FBXL17: variants seen among roughly 807,000 people sequenced by gnomAD.
The protein encoded by FBXL17 is F-box/LRR-repeat protein 17.
A neutral mutation model predicts 66.2 loss-of-function variants in FBXL17; 22 were observed. The observed-to-expected ratio is 0.33, with a 90% CI of 0.24 to 0.47. The LOEUF (loss-of-function observed/expected upper bound fraction) is 0.47, where lower values mean the gene tolerates loss of function less well. FBXL17 is among the 20% of genes least tolerant of loss of function. FBXL17 has a pLI of 1.00. For missense variants in FBXL17, 878 were observed against 948.2 expected (o/e 0.93, Z 0.97); for synonymous variants, 474 against 400.5 (o/e 1.18, Z -2.19).
chr5:108,166,022 C>T (rs1182112000), intron 6 of FBXL17, among the ~76,000 whole-genome samples: 2 of 152,122 alleles, frequency 1.3e-5, no homozygotes, highest in African/African-American at 4.8e-5. Context: ...CACTATCCCA[C>T]CAAAAACTCA....
At chr5:108,193,375 G>GAA (rs1753549134) in intron 5 of FBXL17, among the ~76,000 whole-genome samples, 1 of 152,122 alleles carries the variant, frequency 6.6e-6, no homozygotes, top group Non-Finnish European at 1.5e-5. Context: ...AGGAGAAAGG[G>GAA]AAAGGGGTGG....
chr5:108,341,071 G>C (rs1746850562), intron 4 of FBXL17, among the ~76,000 whole-genome samples: 1 of 152,088 alleles, frequency 6.6e-6, no homozygotes, highest in Admixed American at 6.6e-5. Context: ...TTGCAATACT[G>C]CCTCTGATAG....
chr5:108,142,704 TA>T (rs1182967900), intron 6 of FBXL17, among the ~76,000 whole-genome samples: 2 of 152,024 alleles, frequency 1.3e-5, no homozygotes, highest in Non-Finnish European at 2.9e-5. Flanking sequence ...TTTTAAACTG[TA>T]AAAAAGTCCT....
chr5:108,009,308 T>TATAGATAGATATATACACAC, intron 7 of FBXL17, among the ~76,000 whole-genome samples: 1 of 42,220 alleles, frequency 2.4e-5, no homozygotes, highest in Non-Finnish European at 4.7e-5. Context: ...TATACATATA[T>TATAGATAGATATATACACAC]ACATACACAT....
chr5:108,351,322 A>G (rs548611590), intron 3 of FBXL17, among the ~76,000 whole-genome samples: 179 of 152,330 alleles, frequency 1.2e-3, no homozygotes, highest in Non-Finnish European at 2.3e-3. Flanking sequence ...GATACAAGGA[A>G]TCAGCAATAA....
intron 4 of FBXL17, among the ~76,000 whole-genome samples, chr5:108,246,024 ATGTC>A (rs1756080150): frequency 6.6e-6 from 1 of 152,172 alleles, no homozygotes; most frequent in Non-Finnish European, 1.5e-5. Flanking sequence ...GTGCCTCACA[ATGTC>A]TGTCTCTCCC....
At chr5:107,987,751 T>C (rs1285487789) in intron 7 of FBXL17, among the ~76,000 whole-genome samples, 1 of 152,116 alleles carries the variant, frequency 6.6e-6, no homozygotes, top group East Asian at 1.9e-4. Flanking sequence ...GAAACCCTGG[T>C]TGGGTATGAC....
intron 7 of FBXL17, among the ~76,000 whole-genome samples, chr5:107,978,010 T>C (rs1393516266): frequency 6.6e-6 from 1 of 152,154 alleles, no homozygotes; most frequent in Non-Finnish European, 1.5e-5. Context: ...ATGATCAGAA[T>C]CACCTGTAGG....
chr5:108,293,219 C>T lies in FBXL17; in HGVS notation c.1506+55180G>A, dbSNP rs147456523. ...AAATATTTCTTGGTAGGAATCATTA[C>T]ATCTTACAATAAGGATTTCTCATTA... is the stretch of plus-strand genomic sequence containing the variant. On this transcript the variant is annotated intron_variant, in intron 4 of 8. Transcript: ENST00000542267. 2.8e-3 allele frequency among the ~76,000 whole-genome samples: 419 copies of T among 151,726 alleles called. 4 individuals are homozygous for T. The highest frequency in any genetic ancestry group is 9.6e-3 in the African/African-American group (397 of 41,372).
intron 5 of FBXL17, among the ~76,000 whole-genome samples, chr5:108,218,350 TC>T (rs1754703408): frequency 6.6e-6 from 1 of 152,052 alleles, no homozygotes; most frequent in African/African-American, 2.4e-5. Flanking sequence ...ACATTCCATA[TC>T]AACTTTGGCT....
At chr5:108,356,629 A>G (rs1217798611) in intron 3 of FBXL17, among the ~76,000 whole-genome samples, 1 of 152,108 alleles carries the variant, frequency 6.6e-6, no homozygotes, top group Non-Finnish European at 1.5e-5. Context: ...AGAGTTTACA[A>G]AGACAATAAA....
chr5:108,079,534 T>C (rs1748685311), intron 6 of FBXL17, among the ~76,000 whole-genome samples: 1 of 152,226 alleles, frequency 6.6e-6, no homozygotes, highest in African/African-American at 2.4e-5. Context: ...ACTTTACATA[T>C]GTTTTAATCC....
chr5:107,951,170 G>T lies in FBXL17; in HGVS notation c.1822+69755C>A, dbSNP rs138634548. On this transcript the variant is annotated intron_variant, in intron 7 of 8. Coordinates refer to ENST00000542267, the MANE Select transcript of FBXL17 (RefSeq NM_001163315.3). ...AGTCTCATTACTGGCTCAGTCTCAG[G>T]GTTCGATGTGCCTGAGAGTTCTGAT... Among the ~76,000 whole-genome samples the T allele has an allele frequency of 7.2e-5, 11 of 152,202 alleles. 1 individual carries two copies. Among genetic ancestry groups the T allele is most frequent in the African/African-American group, 2.6e-4 (11 of 41,526 alleles).
intron 6 of FBXL17, among the ~76,000 whole-genome samples, chr5:108,036,002 T>TC (rs1746826846): frequency 6.6e-6 from 1 of 152,234 alleles, no homozygotes; most frequent in Admixed American, 6.5e-5. Context: ...TATGCTGCTC[T>TC]CGTCATGCTG....
intron 6 of FBXL17, among the ~76,000 whole-genome samples, chr5:108,155,866 A>G (rs1751976741): frequency 6.6e-6 from 1 of 152,216 alleles, no homozygotes; most frequent in African/African-American, 2.4e-5. Flanking sequence ...TTCAATTTTA[A>G]TTATTATCCT....
chr5:108,319,400 CT>C (rs1263060337), intron 4 of FBXL17, among the ~76,000 whole-genome samples: 1 of 151,768 alleles, frequency 6.6e-6, no homozygotes, highest in Non-Finnish European at 1.5e-5. Flanking sequence ...GGACAAGTAA[CT>C]ATCATTAGGG....
chr5:108,121,323 T>G (rs1750487566), intron 6 of FBXL17, among the ~76,000 whole-genome samples: 1 of 150,966 alleles, frequency 6.6e-6, no homozygotes, highest in Non-Finnish European at 1.5e-5. Context: ...CAAGACTCCA[T>G]CTCAAAAAAA....
At chr5:107,863,916 C>T (rs781358323) in intron 8 of FBXL17, among the ~76,000 whole-genome samples, 69 of 152,312 alleles carry the variant, frequency 4.5e-4, no homozygotes, top group South Asian at 1.0e-3. Context: ...AAGGTATGTC[C>T]GCTCTTTGAG....
At chr5:107,992,936 C>T (rs1181860367) in intron 7 of FBXL17, among the ~76,000 whole-genome samples, 1 of 151,974 alleles carries the variant, frequency 6.6e-6, no homozygotes, top group Non-Finnish European at 1.5e-5. Context: ...TGCTCTGTCG[C>T]CCAGGTTGGA....
Sources: gnomAD v4.1 joint callset for allele counts (sites outside exome capture counted in the v4.1 genomes callset) on GRCh38, gnomAD v4.1.1 for gene constraint, MANE v1.5 for transcripts, NCBI Gene and HGNC (gene_info 2026-07-23, HGNC 2026-07-21) for gene names.